Variants in THSD4 observed in about 807,000 individuals in gnomAD.
THSD4 encodes thrombospondin type-1 domain-containing protein 4.
THSD4 carries 69 observed loss-of-function variants against 119.0 expected under a neutral mutation model. The observed-to-expected ratio is 0.58, with a 90% CI of 0.48 to 0.71. The LOEUF is 0.71. Ranked by LOEUF, THSD4 falls within the 30% of genes least tolerant of loss-of-function variation. The pLI is 0.00. For missense variants in THSD4, 1,393 were observed against 1,391.1 expected, an observed-to-expected ratio of 1.00 and a Z score of -0.02; for synonymous variants, 524 against 540.4, an observed-to-expected ratio of 0.97 and a Z score of 0.42.
At chr15:71,708,619 CATAT>C (rs1177877267) in intron 8 of THSD4, among the ~76,000 whole-genome samples, 1 of 152,108 alleles carries the variant, frequency 6.6e-6, no homozygotes, top group Admixed American at 6.5e-5. Context: ...TAAGGCATCA[CATAT>C]ATATATGCAG....
chr15:71,573,274 T>C (rs150129162), intron 7 of THSD4, among the ~76,000 whole-genome samples: 278 of 152,300 alleles, frequency 1.8e-3, no homozygotes, highest in Non-Finnish European at 3.6e-3. Context: ...GAAAAGTTGT[T>C]AAACGAATCC....
intron 7 of THSD4, among the ~76,000 whole-genome samples, chr15:71,587,821 A>G (rs1468221269): frequency 1.3e-5 from 2 of 149,670 alleles, no homozygotes; most frequent in Non-Finnish European, 3.0e-5. Flanking sequence ...AAGAAAAACC[A>G]AAAAACAGTT....
At chr15:71,325,693 CGAACCTCTTGT>C (rs1477731368) in intron 6 of THSD4, among the ~76,000 whole-genome samples, 2 of 151,986 alleles carry the variant, frequency 1.3e-5, no homozygotes, top group Non-Finnish European at 2.9e-5. Flanking sequence ...AATTTTTTTT[CGAACCTCTTGT>C]GATTGAGGCT....
At chr15:71,405,101 A>G (rs7169495) in intron 6 of THSD4, among the ~76,000 whole-genome samples, 4 of 152,022 alleles carry the variant, frequency 2.6e-5, no homozygotes, top group African/African-American at 7.2e-5. Context: ...GTTGGCTAGG[A>G]TGGTCTCAAA....
rs749428808 is a variant in THSD4 at position 71,154,904 on chromosome 15, G to T, written c.71G>T (p.Cys24Phe). ...CTGCTGCTTGGATTCCAGTTCGTCTGCCCACAGCCCTCCACTCAACACAGG... is the reference window on the plus strand; with the variant it reads ...CTGCTGCTTGGATTCCAGTTCGTCTTCCCACAGCCCTCCACTCAACACAGG... ...FLLLLGFQFV[C>F]PQPSTQHRKV... The change falls in exon 3 of 18, where the codon TGC becomes TTC. Residue 24 changes from cysteine (C) to phenylalanine (F), a missense_variant. Cys to Phe is a radical substitution (Grantham distance 205, BLOSUM62 -2). Coordinates refer to ENST00000261862, the MANE Select transcript of THSD4 (RefSeq NM_024817.3). The T allele has an allele frequency of 1.2e-6, 2 of 1,614,038 alleles. No individual in the cohort carries two copies. Among genetic ancestry groups the T allele is most frequent in the South Asian group, 2.2e-5 (2 of 91,074 alleles).
intron 6 of THSD4, among the ~76,000 whole-genome samples, chr15:71,399,534 A>G (rs567725668): frequency 1.3e-5 from 2 of 152,342 alleles, no homozygotes; most frequent in Admixed American, 1.3e-4. Flanking sequence ...TTTCAAGTAT[A>G]AAACTAACCT....
At chr15:71,280,012 G>A (rs1039540570) in intron 6 of THSD4, among the ~76,000 whole-genome samples, 6 of 152,216 alleles carry the variant, frequency 3.9e-5, no homozygotes, top group Admixed American at 1.3e-4. Flanking sequence ...TGTAAAGCAC[G>A]TGTATCAGTG....
chr15:71,623,554 C>T (rs2050455783), intron 7 of THSD4, among the ~76,000 whole-genome samples: 1 of 152,152 alleles, frequency 6.6e-6, no homozygotes, highest in Admixed American at 6.6e-5. Flanking sequence ...ATTTATTTTG[C>T]TTAGCACTGT....
intron 3 of THSD4, among the ~76,000 whole-genome samples, chr15:71,193,800 C>T (rs576565595): frequency 1.4e-4 from 22 of 152,252 alleles, no homozygotes; most frequent in East Asian, 7.7e-4. Context: ...CTCCGCCTCC[C>T]GGGTTCACAC....
upstream of THSD4, chr15:71,113,870 C>T (rs1596203841): frequency 6.6e-6 from 1 of 151,848 alleles, no homozygotes. Context: ...TCCATTTTAA[C>T]CATTTTTAAG....
chr15:71,422,952 G>T (rs1440539757), intron 7 of THSD4, among the ~76,000 whole-genome samples: 1 of 152,008 alleles, frequency 6.6e-6, no homozygotes, highest in East Asian at 1.9e-4. Context: ...AGAGGAGTCT[G>T]TCCCCGTGGC....
At chr15:71,322,131 T>C (rs950604463) in intron 6 of THSD4, among the ~76,000 whole-genome samples, 6 of 152,152 alleles carry the variant, frequency 3.9e-5, no homozygotes, top group African/African-American at 1.4e-4. Context: ...TACAGTGTTA[T>C]GGAATTTAGC....
At chr15:71,525,499 G>A (rs887459296) in intron 7 of THSD4, among the ~76,000 whole-genome samples, 1 of 152,232 alleles carries the variant, frequency 6.6e-6, no homozygotes, top group African/African-American at 2.4e-5. Flanking sequence ...GGGGGTGGTT[G>A]AAAGGTGCCC....
intron 3 of THSD4, among the ~76,000 whole-genome samples, chr15:71,177,793 G>T (rs1158866009): frequency 1.4e-5 from 2 of 146,480 alleles, no homozygotes; most frequent in Admixed American, 1.4e-4. Flanking sequence ...TATCCACCAT[G>T]ATCAAGTGGG....
intron 6 of THSD4, among the ~76,000 whole-genome samples, chr15:71,279,863 G>A (rs968346661): frequency 6.6e-6 from 1 of 152,136 alleles, no homozygotes; most frequent in African/African-American, 2.4e-5. Flanking sequence ...ACAAACAGTG[G>A]CCTTGGGGTA....
intron 4 of THSD4, among the ~76,000 whole-genome samples, chr15:71,234,874 G>A (rs1267274095): frequency 6.6e-6 from 1 of 152,124 alleles, no homozygotes; most frequent in African/African-American, 2.4e-5. Context: ...TCCTCAGTTC[G>A]CCGTCCTGCT....
intron 7 of THSD4, among the ~76,000 whole-genome samples, chr15:71,551,552 G>A (rs1329023808): frequency 6.6e-6 from 1 of 152,146 alleles, no homozygotes; most frequent in African/African-American, 2.4e-5. Context: ...GGCAATCACA[G>A]CTATGATTTA....
intron 7 of THSD4, among the ~76,000 whole-genome samples, chr15:71,629,023 A>G (rs1204527426): frequency 6.6e-6 from 1 of 152,192 alleles, no homozygotes; most frequent in Non-Finnish European, 1.5e-5. Context: ...GTGTGTGTCT[A>G]AAGCAAAACA....
rs1237904335 is a variant in THSD4 at position 71,778,850 on chromosome 15, A to G, written c.*1476A>G. 1 of 152,282 alleles carries G rather than the reference A, an allele frequency of 6.6e-6. No individual in the cohort carries two copies. Among genetic ancestry groups the G allele is most frequent in the East Asian group, 1.9e-4 (1 of 5,196 alleles). 9.4% of individuals were successfully genotyped at this position (152,282 alleles called of 1,614,324 possible). A position where few individuals can be genotyped will look rare whatever the true frequency, so the allele number is the denominator to read the frequency against. ...GCCTGGAAGGATGCAGTGCATATTGAAAGGTGGACCCTCTGAAAACAGTTA... is the reference window on the plus strand; with the variant it reads ...GCCTGGAAGGATGCAGTGCATATTGGAAGGTGGACCCTCTGAAAACAGTTA... On this transcript the variant is annotated 3_prime_UTR_variant, in exon 18 of 18. Coordinates refer to ENST00000261862, the MANE Select transcript of THSD4 (RefSeq NM_024817.3).
Sources: gnomAD v4.1 joint callset for allele counts (sites outside exome capture counted in the v4.1 genomes callset) on GRCh38, gnomAD v4.1.1 for gene constraint, MANE v1.5 for transcripts, NCBI Gene and HGNC (gene_info 2026-07-23, HGNC 2026-07-21) for gene names.